The following SPMIP2 variants were observed in gnomAD, a reference collection of about 807,000 sequenced individuals.
SPMIP2 encodes the protein sperm microtubule inner protein 2.
chr4:159,013,027 G>A, the SPMIP2 span, among the ~76,000 whole-genome samples: 435 of 152,248 alleles, frequency 2.9e-3, 2 homozygotes, highest in African/African-American at 9.4e-3. Flanking sequence ...ACAGTCCCAC[G>A]TCTACGATCA....
chr4:158,900,399 A>C, the SPMIP2 span, among the ~76,000 whole-genome samples: 16 of 152,188 alleles, frequency 1.1e-4, no homozygotes, highest in South Asian at 3.3e-3. Context: ...ATACCCTGTT[A>C]ATTTTCTGTC....
At chr4:158,973,144 C>A in the SPMIP2 span, 3 of 1,612,466 alleles carry the variant, frequency 1.9e-6, no homozygotes, top group Non-Finnish European at 2.5e-6. Flanking sequence ...ATTCTCCAAC[C>A]AATTTCACTG....
the SPMIP2 span, among the ~76,000 whole-genome samples, chr4:158,902,062 G>C: frequency 2.0e-5 from 3 of 151,952 alleles, no homozygotes; most frequent in Non-Finnish European, 4.4e-5. Flanking sequence ...TTGGAGGAGA[G>C]AGCATTCTGG....
the SPMIP2 span, chr4:158,906,381 T>G: frequency 6.6e-6 from 1 of 152,342 alleles, no homozygotes; most frequent in Non-Finnish European, 1.5e-5. Context: ...GCACTTTCCC[T>G]CATTCACCAC....
the SPMIP2 span, among the ~76,000 whole-genome samples, chr4:159,022,186 C>T: frequency 6.6e-6 from 1 of 152,106 alleles, no homozygotes; most frequent in African/African-American, 2.4e-5. Context: ...ATTTATGTAA[C>T]CCAAATGCTA....
chr4:158,947,938 T>C, the SPMIP2 span, among the ~76,000 whole-genome samples: 1 of 152,232 alleles, frequency 6.6e-6, no homozygotes, highest in African/African-American at 2.4e-5. Context: ...TTTAGATACA[T>C]GTAGATAATA....
the SPMIP2 span, among the ~76,000 whole-genome samples, chr4:158,951,519 T>C: frequency 1.3e-5 from 2 of 152,340 alleles, no homozygotes; most frequent in Non-Finnish European, 2.9e-5. Flanking sequence ...CATTAAGCAG[T>C]ACACAGATTG....
the SPMIP2 span, among the ~76,000 whole-genome samples, chr4:159,048,916 T>C: frequency 6.6e-6 from 1 of 151,944 alleles, no homozygotes; most frequent in Non-Finnish European, 1.5e-5. Flanking sequence ...CTAAATGATA[T>C]AAAGTTAAAA....
At chr4:158,933,035 G>A in the SPMIP2 span, among the ~76,000 whole-genome samples, 2,024 of 152,104 alleles carry the variant, frequency 0.013, 18 homozygotes, top group Admixed American at 0.019. Context: ...ACAGAGTCTC[G>A]CTCTGTCACC....
At chr4:158,958,088 C>T in the SPMIP2 span, among the ~76,000 whole-genome samples, 1 of 152,074 alleles carries the variant, frequency 6.6e-6, no homozygotes, top group South Asian at 2.1e-4. Flanking sequence ...ACCTCCCGGG[C>T]TCAAGTGTTC....
chr4:159,068,590 A>G, the SPMIP2 span, among the ~76,000 whole-genome samples: 6 of 152,110 alleles, frequency 3.9e-5, no homozygotes, highest in Non-Finnish European at 4.4e-5. Context: ...CAGCACACCA[A>G]CATGGCACAT....
chr4:158,978,574 A>G, the SPMIP2 span, among the ~76,000 whole-genome samples: 4 of 152,118 alleles, frequency 2.6e-5, no homozygotes, highest in African/African-American at 9.7e-5. Context: ...GGTGTCTAAG[A>G]ACTTGCTTTA....
At chr4:159,047,691 A>T in the SPMIP2 span, among the ~76,000 whole-genome samples, 1 of 152,212 alleles carries the variant, frequency 6.6e-6, no homozygotes, top group African/African-American at 2.4e-5. Flanking sequence ...CGCTGTACCA[A>T]ACAAGCTCTG....
the SPMIP2 span, among the ~76,000 whole-genome samples, chr4:158,992,797 T>A: frequency 6.6e-6 from 1 of 152,184 alleles, no homozygotes; most frequent in Non-Finnish European, 1.5e-5. Flanking sequence ...GGAGGTGCTG[T>A]GAAGCCTTCT....
At chr4:159,029,869 T>G in the SPMIP2 span, among the ~76,000 whole-genome samples, 1 of 152,212 alleles carries the variant, frequency 6.6e-6, no homozygotes, top group Admixed American at 6.5e-5. Context: ...TTTTAGTACT[T>G]AATTGGCACT....
chr4:159,058,294 G>C, the SPMIP2 span, among the ~76,000 whole-genome samples: 4 of 151,936 alleles, frequency 2.6e-5, no homozygotes, highest in African/African-American at 9.7e-5. Context: ...GGGTGAAAGG[G>C]GACAGGAAAT....
At chr4:158,987,043 A>G in the SPMIP2 span, among the ~76,000 whole-genome samples, 3 of 133,452 alleles carry the variant, frequency 2.2e-5, no homozygotes, top group Non-Finnish European at 4.8e-5. Context: ...GTTCATCATC[A>G]CTGGCCATCA....
the SPMIP2 span, among the ~76,000 whole-genome samples, chr4:158,929,831 A>G: frequency 6.6e-6 from 1 of 152,212 alleles, no homozygotes; most frequent in African/African-American, 2.4e-5. Context: ...AATCAAAAAT[A>G]TATTAATACT....
the SPMIP2 span, among the ~76,000 whole-genome samples, chr4:159,073,523 T>C: frequency 3.9e-5 from 6 of 152,078 alleles, no homozygotes; most frequent in Non-Finnish European, 7.4e-5. Context: ...AAAAAATAAA[T>C]AAGTAAAATT....
Sources: allele counts gnomAD v4.1 joint callset (sites outside exome capture counted in the v4.1 genomes callset), GRCh38; gene constraint gnomAD v4.1.1; transcripts MANE v1.5; gene names NCBI Gene and HGNC (gene_info 2026-07-23, HGNC 2026-07-21).